The following NAV2 variants were observed in gnomAD, a reference collection of about 807,000 sequenced individuals.
NAV2 encodes helicase, APC down-regulated 1.
In NAV2, 54 loss-of-function variants were observed where a neutral mutation model predicts 223.2. The ratio of observed to expected loss-of-function variants is 0.24; its 90% CI spans 0.19 to 0.30. The LOEUF is 0.30. NAV2 is among the 10% of genes least tolerant of loss of function. The probability of loss-of-function intolerance (pLI) is 1.00; values close to 1 mark genes in which losing one functional copy is unlikely to be tolerated. For synonymous variants in NAV2, 1,279 were observed against 1,239.3 expected (o/e 1.03, Z -0.67); for missense variants, 2,806 against 3,147.5 (o/e 0.89, Z 2.60).
intron 1 of NAV2, among the ~76,000 whole-genome samples, chr11:19,582,288 G>C (rs142808124): frequency 6.6e-6 from 1 of 152,102 alleles, no homozygotes; most frequent in Admixed American, 6.5e-5. Flanking sequence ...TGAGTAGATC[G>C]CAACAATTTT....
intron 1 of NAV2, among the ~76,000 whole-genome samples, chr11:19,493,689 G>T (rs769974141): frequency 3.0e-4 from 46 of 152,254 alleles, no homozygotes; most frequent in Non-Finnish European, 5.9e-4. Flanking sequence ...TGGCAGGTGG[G>T]ATTGGAGAGA....
intron 1 of NAV2, among the ~76,000 whole-genome samples, chr11:19,588,163 G>A (rs570083771): frequency 9.9e-5 from 15 of 152,270 alleles, no homozygotes; most frequent in East Asian, 7.7e-4. Context: ...CAACTATTTC[G>A]GGCCAGTTCA....
At chr11:19,613,409 C>T (rs1234365082) in intron 1 of NAV2, among the ~76,000 whole-genome samples, 1 of 152,250 alleles carries the variant, frequency 6.6e-6, no homozygotes, top group African/African-American at 2.4e-5. Context: ...ACCACCACCA[C>T]TGCATCAGGC....
rs1279977429 is a variant in NAV2 at position 19,997,452 on chromosome 11, A to G, written c.2768+13205A>G. ...TAAACTCTACCGTAGGACTCTTGAC[A>G]GTTTGGGATCAGTGGTCCTAGTCTG... On this transcript the variant is annotated intron_variant, in intron 11 of 37. Coordinates refer to ENST00000349880, the MANE Select transcript of NAV2 (RefSeq NM_145117.5). Among the ~76,000 whole-genome samples the G allele has an allele frequency of 2.0e-5, 3 of 152,204 alleles. 1 individual carries two copies. The highest frequency in any genetic ancestry group is 4.4e-5 in the Non-Finnish European group (3 of 68,028).
At chr11:19,364,409 A>G (rs997387776) in intron 1 of NAV2, among the ~76,000 whole-genome samples, 3 of 152,092 alleles carry the variant, frequency 2.0e-5, no homozygotes, top group Non-Finnish European at 4.4e-5. Context: ...TGACAGAGGG[A>G]TGCTTACTTA....
intron 20 of NAV2, among the ~76,000 whole-genome samples, chr11:20,063,076 A>G (rs1288477593): frequency 6.6e-6 from 1 of 152,250 alleles, no homozygotes; most frequent in Non-Finnish European, 1.5e-5. Context: ...TGTTATAAAG[A>G]TTACATTTCA....
At chr11:19,787,140 G>T (rs909235226) in intron 1 of NAV2, among the ~76,000 whole-genome samples, 1 of 151,904 alleles carries the variant, frequency 6.6e-6, no homozygotes, top group Admixed American at 6.6e-5. Flanking sequence ...ACCCAGGCTG[G>T]GGTGCAGTGG....
intron 8 of NAV2, among the ~76,000 whole-genome samples, chr11:19,945,545 A>C (rs1437567383): frequency 1.3e-5 from 2 of 152,076 alleles, no homozygotes. Flanking sequence ...GGGTTTTGCC[A>C]TGTTTCCCAG....
intron 20 of NAV2, among the ~76,000 whole-genome samples, chr11:20,064,902 A>G (rs982896006): frequency 3.3e-5 from 5 of 152,110 alleles, no homozygotes; most frequent in Admixed American, 2.0e-4. Context: ...TGCCCTTGGC[A>G]TCAGGAAACC....
rs924217565 is a variant in NAV2 at position 19,445,450 on chromosome 11, C to T, written c.75+94423C>T. Among the ~76,000 whole-genome samples, 4 of 152,150 alleles carry T rather than the reference C, an allele frequency of 2.6e-5. No individual in the cohort carries two copies. The East Asian group carries it at 7.7e-4, about 29-fold the overall frequency. The stretch of plus-strand genomic sequence containing the variant: ...TATTCATGTTAACTTGTTTAATCCT[C>T]ATCACAAACCTTATGAAGTTGCTAT... On this transcript the variant is annotated intron_variant, in intron 1 of 37. Coordinates refer to the NAV2 transcript ENST00000360655.
intron 1 of NAV2, among the ~76,000 whole-genome samples, chr11:19,582,765 G>A (rs2045762746): frequency 6.6e-6 from 1 of 152,168 alleles, no homozygotes; most frequent in Non-Finnish European, 1.5e-5. Flanking sequence ...TTTGGTTACT[G>A]TAGCCTTGTA....
chr11:20,049,693 C>G, intron 15 of NAV2, 143 bp from the exon 16 acceptor site: 1 of 758,428 alleles, frequency 1.3e-6, no homozygotes, highest in Non-Finnish European at 2.3e-6. Flanking sequence ...TTCTCTGCAG[C>G]AGGGATAAAT....
chr11:20,096,984 C>T (rs1739531995), intron 30 of NAV2, among the ~76,000 whole-genome samples: 1 of 152,204 alleles, frequency 6.6e-6, no homozygotes, highest in African/African-American at 2.4e-5. Flanking sequence ...TGGGATTCCA[C>T]CTAAGTCATC....
intron 1 of NAV2, among the ~76,000 whole-genome samples, chr11:19,424,917 G>A (rs1448289196): frequency 6.6e-6 from 1 of 152,070 alleles, no homozygotes; most frequent in Non-Finnish European, 1.5e-5. Flanking sequence ...AAAGTATTTA[G>A]GTTAAATTGG....
At chr11:19,644,512 G>A (rs776914065) in intron 1 of NAV2, among the ~76,000 whole-genome samples, 15 of 152,216 alleles carry the variant, frequency 9.9e-5, no homozygotes, top group African/African-American at 1.9e-4. Flanking sequence ...CCAGGAAGGC[G>A]GACTGTGGTC....
In NAV2 at chr11:19,998,739, C is replaced by T. The variant is rs1476771333; in HGVS notation, c.2768+14492C>T. On this transcript the variant is annotated intron_variant, in intron 11 of 37. Coordinates refer to ENST00000349880, the MANE Select transcript of NAV2 (RefSeq NM_145117.5). This position sits in a 1 kb window ranked among gnomAD's most constrained non-coding sequence, Gnocchi z 5.0. ...TCTCCTTTTCTCCTTATAAGCCTGG[C>T]TTATTCTCTTCCTTCAGGTCTCAAC... 6.6e-6 allele frequency among the ~76,000 whole-genome samples: 1 copy of T among 152,158 alleles called. No individual in the cohort carries two copies. Among genetic ancestry groups the T allele is most frequent in the Non-Finnish European group, 1.5e-5 (1 of 68,036 alleles).
intron 1 of NAV2, among the ~76,000 whole-genome samples, chr11:19,438,473 GTT>G (rs1219963187): frequency 2.6e-5 from 4 of 152,152 alleles, no homozygotes; most frequent in Non-Finnish European, 5.9e-5. Context: ...ACTATGATCT[GTT>G]TTTAACTCAT....
At chr11:19,616,064 G>A (rs1277589858) in intron 1 of NAV2, among the ~76,000 whole-genome samples, 1 of 152,054 alleles carries the variant, frequency 6.6e-6, no homozygotes, top group Admixed American at 6.6e-5. Context: ...CATTGCTCCA[G>A]GGTGCAGAAT....
At chr11:19,783,782 A>T (rs1784221697) in intron 1 of NAV2, among the ~76,000 whole-genome samples, 1 of 152,220 alleles carries the variant, frequency 6.6e-6, no homozygotes, top group African/African-American at 2.4e-5. Flanking sequence ...AGGGTTGTTT[A>T]GTAAGATACA....
Sources: allele counts gnomAD v4.1 joint callset (sites outside exome capture counted in the v4.1 genomes callset), GRCh38; gene constraint gnomAD v4.1.1; non-coding constraint Gnocchi (gnomAD v3.1); transcripts MANE v1.5; gene names NCBI Gene and HGNC (gene_info 2026-07-23, HGNC 2026-07-21).